Variants in BCO2 observed in about 807,000 individuals in gnomAD.
BCO2 encodes carotenoid-cleaving dioxygenase, mitochondrial.
A neutral mutation model predicts 65.8 loss-of-function variants in BCO2; 56 were observed. The ratio of observed to expected loss-of-function variants is 0.85; its 90% CI spans 0.69 to 1.06. The LOEUF (loss-of-function observed/expected upper bound fraction) is 1.06. BCO2 is among the 50% of genes least tolerant of loss of function. The pLI is 0.00. For missense variants in BCO2, 675 were observed against 698.5 expected (o/e 0.97, Z 0.38); for synonymous variants, 233 against 242.3 (o/e 0.96, Z 0.36).
rs183073378 is a variant in BCO2, at chr11:112,203,671, G to A, written c.1194+1481G>A. Among the ~76,000 whole-genome samples, 208 of 152,126 alleles carry A rather than the reference G, an allele frequency of 1.4e-3. 1 individual carries two copies. Among genetic ancestry groups the A allele is most frequent in the African/African-American group, 4.7e-3 (193 of 41,496 alleles). ...CAATCTTATTAACTTTATTTCTTAC[G>A]TTTGTACGTTAGACCTCTAGACTTG... is the stretch of plus-strand genomic sequence containing the variant. On this transcript the variant is annotated intron_variant, in intron 8 of 11. Transcript: ENST00000357685.
intron 8 of BCO2, among the ~76,000 whole-genome samples, chr11:112,206,089 C>T (rs1323953374): frequency 1.3e-5 from 2 of 152,220 alleles, no homozygotes; most frequent in African/African-American, 4.8e-5. Context: ...GCGCAGCGGC[C>T]AGGCAGAGGC....
chr11:112,179,252 T>C, intron 1 of BCO2, 26 bp from the exon 2 acceptor site: 1 of 1,600,632 alleles, frequency 6.2e-7, no homozygotes, highest in South Asian at 1.1e-5. Context: ...AAAATATTTT[T>C]TGTGCTTTTG....
chr11:112,179,177 C>T (rs569206757), intron 1 of BCO2, 101 bp from the exon 2 acceptor site: 2 of 1,096,766 alleles, frequency 1.8e-6, no homozygotes. Flanking sequence ...TTTATGTTTC[C>T]CTCAAGCTGC....
chr11:112,195,476 G>A (rs1314859279), intron 5 of BCO2, among the ~76,000 whole-genome samples: 2 of 147,802 alleles, frequency 1.4e-5, no homozygotes, highest in East Asian at 2.1e-4. Context: ...ACAAAGGCTC[G>A]CTCTTGCCCA....
intron 2 of BCO2, chr11:112,179,835 T>C (rs1866984769): frequency 3.7e-6 from 1 of 271,386 alleles, no homozygotes; most frequent in Non-Finnish European, 7.2e-6. Flanking sequence ...GCCAGACACA[T>C]GGTCTTTTTC....
Position 112,213,913 on chromosome 11 carries a change from T to C in BCO2, c.1332+52T>C. 4 of 963,458 alleles carry C rather than the reference T, an allele frequency of 4.2e-6. 1 individual carries two copies. The highest frequency in any genetic ancestry group is 4.3e-6 in the Non-Finnish European group (3 of 697,846). 59.7% of individuals were successfully genotyped at this position (963,458 alleles called of 1,614,324 possible). Reference sequence around the variant, plus strand: ...AGACTTTGAACTTTAATGGTGTTACTTTATTCTTTAGCTGTTTTCCAAAAT... The same window carrying C: ...AGACTTTGAACTTTAATGGTGTTACCTTATTCTTTAGCTGTTTTCCAAAAT... On this transcript the variant is annotated intron_variant, in intron 9 of 11. Transcript: ENST00000357685.
intron 2 of BCO2, chr11:112,181,274 C>G: frequency 1.7e-6 from 1 of 576,836 alleles, no homozygotes; most frequent in South Asian, 2.0e-5. Context: ...CTCCGCCTCC[C>G]GGGTTCACGC....
intron 2 of BCO2, among the ~76,000 whole-genome samples, chr11:112,189,681 C>A (rs1013050154): frequency 4.6e-5 from 7 of 152,004 alleles, no homozygotes; most frequent in African/African-American, 1.4e-4. Context: ...GGATTACAGG[C>A]GTAAGCCACA....
chr11:112,203,530 A>T lies in BCO2; in HGVS notation c.1194+1340A>T, dbSNP rs556536343. Among the ~76,000 whole-genome samples the T allele has an allele frequency of 3.3e-5, 5 of 152,370 alleles. No homozygotes were observed. In the East Asian group the frequency reaches 9.6e-4, roughly 29 times the overall value. On this transcript the variant is annotated intron_variant, in intron 8 of 11. Transcript: ENST00000357685. The stretch of plus-strand genomic sequence containing the variant: ...ATGATGTTATGGGATACATGTAAAT[A>T]TTAAAATGGTTAGTATAGTGAGGCA...
intron 8 of BCO2, among the ~76,000 whole-genome samples, chr11:112,204,540 G>A (rs2135384913): frequency 6.6e-6 from 1 of 152,250 alleles, no homozygotes; most frequent in African/African-American, 2.4e-5. Flanking sequence ...GAGATAGCAA[G>A]ACCAACCCCT....
chr11:112,182,359 C>T (rs1170499024), intron 2 of BCO2, among the ~76,000 whole-genome samples: 1 of 152,112 alleles, frequency 6.6e-6, no homozygotes, highest in African/African-American at 2.4e-5. Flanking sequence ...GGGCATATAC[C>T]CAAAGGACTA....
chr11:112,194,741 C>T lies in BCO2; in HGVS notation c.722C>T (p.Ser241Phe). The T allele has an allele frequency of 6.2e-7, 1 of 1,601,148 alleles. No homozygotes were observed. Among genetic ancestry groups the T allele is most frequent in the Middle Eastern group, 1.7e-4 (1 of 6,044 alleles). The change falls in exon 5 of 12, where the codon TCC becomes TTC. Residue 241 changes from serine to phenylalanine, a missense_variant. Transcript: ENST00000357685. Reference sequence around the variant, plus strand: ...GGAACAGCATACAATATGGGGAACTCCTTTGGGCCATATGGTAAAGTTGCA... The same window carrying T: ...GGAACAGCATACAATATGGGGAACTTCTTTGGGCCATATGGTAAAGTTGCA... ...LDGTAYNMGN[S>F]FGPYGFSYKV...
At chr11:112,179,512 A>G (rs1178089514) in intron 2 of BCO2, 30 bp downstream of exon 2, 1 of 1,587,098 alleles carries the variant, frequency 6.3e-7, no homozygotes, top group Admixed American at 1.7e-5. Flanking sequence ...AACAACTTGG[A>G]TTTCTTGGCA....
Position 112,194,751 on chromosome 11 carries a change from A to AT in BCO2, c.733dup (p.Tyr245LeufsTer6). The AT allele has an allele frequency of 6.3e-7, 1 of 1,587,794 alleles. No homozygotes were observed. The highest frequency in any genetic ancestry group is 8.6e-7 in the Non-Finnish European group (1 of 1,159,456). ...ACAATATGGGGAACTCCTTTGGGCC[A>AT]TATGGTAAAGTTGCAATAAAGGTCT... On this transcript the variant is annotated frameshift_variant, in exon 5 of 12. Coordinates refer to ENST00000357685, the MANE Select transcript of BCO2 (RefSeq NM_031938.7). LOFTEE classifies it high-confidence loss of function.
chr11:112,217,676 T>A, intron 11 of BCO2, 85 bp from the exon 12 acceptor site: 1 of 892,168 alleles, frequency 1.1e-6, no homozygotes, highest in East Asian at 2.6e-5. Flanking sequence ...GGTCTCTCCA[T>A]TAGGAATTTT....
Position 112,218,065 on chromosome 11 carries a change from G to C in BCO2, c.*191G>C. 1 of 525,200 alleles carries C rather than the reference G, an allele frequency of 1.9e-6. No homozygotes were observed. Among genetic ancestry groups the C allele is most frequent in the African/African-American group, 1.9e-5 (1 of 52,500 alleles). 32.5% of individuals were successfully genotyped at this position (525,200 alleles called of 1,614,324 possible). On this transcript the variant is annotated 3_prime_UTR_variant, in exon 12 of 12. Coordinates refer to ENST00000357685, the MANE Select transcript of BCO2 (RefSeq NM_031938.7). The stretch of plus-strand genomic sequence containing the variant: ...TTCGTTAGAAGTCCAAACCTCAGCA[G>C]CACACAATATACTCATGTAACAAGC...
intron 11 of BCO2, among the ~76,000 whole-genome samples, chr11:112,217,346 C>G (rs1479627867): frequency 6.6e-6 from 1 of 152,018 alleles, no homozygotes; most frequent in Non-Finnish European, 1.5e-5. Flanking sequence ...TGGTCTTGCT[C>G]TTTCTTTCTC....
intron 5 of BCO2, among the ~76,000 whole-genome samples, chr11:112,197,580 G>A: frequency 6.6e-6 from 1 of 150,690 alleles, no homozygotes; most frequent in East Asian, 1.9e-4. Context: ...TTTCAGCAAT[G>A]CCTTCAAAAT....
At chr11:112,217,726 A>T in intron 11 of BCO2, 35 bp from the exon 12 acceptor site, 1 of 1,525,324 alleles carries the variant, frequency 6.6e-7, no homozygotes, top group Non-Finnish European at 9.1e-7. Context: ...TTGATGAAAA[A>T]AAGATAATTT....
Sources: gnomAD v4.1 joint callset for allele counts (sites outside exome capture counted in the v4.1 genomes callset) on GRCh38, gnomAD v4.1.1 for gene constraint, MANE v1.5 for transcripts, NCBI Gene and HGNC (gene_info 2026-07-23, HGNC 2026-07-21) for gene names.